The following CNKSR2 variants were observed in gnomAD, a reference collection of about 807,000 sequenced individuals.
CNKSR2 encodes the protein CNK homolog protein 2.
Under a neutral mutation model 84.4 loss-of-function variants are expected in CNKSR2, and 14 were observed. That is an observed-to-expected ratio of 0.17 (90% CI 0.11 to 0.26). The LOEUF is 0.26. CNKSR2 is among the 10% of genes least tolerant of loss of function. CNKSR2 has a pLI of 1.00. For synonymous variants in CNKSR2, 275 were observed against 277.9 expected, an observed-to-expected ratio of 0.99 and a Z score of 0.10; for missense variants, 485 against 771.2, an observed-to-expected ratio of 0.63 and a Z score of 4.40.
chrX:21,599,108 G>T (rs1025852080), intron 17 of CNKSR2, among the ~76,000 whole-genome samples: 1 of 112,075 alleles, frequency 8.9e-6, no homozygotes, highest in Non-Finnish European at 1.9e-5. Flanking sequence ...ACTTTCAATT[G>T]TCTTGTGAAA....
intron 20 of CNKSR2, among the ~76,000 whole-genome samples, chrX:21,625,375 A>G (rs1327726924): frequency 8.9e-6 from 1 of 112,303 alleles, no homozygotes; most frequent in Non-Finnish European, 1.9e-5. Context: ...AAAGTTTTAC[A>G]CATAGCAATA....
chrX:21,394,220 G>T (rs781609953), intron 1 of CNKSR2, among the ~76,000 whole-genome samples: 5 of 111,785 alleles, frequency 4.5e-5, no homozygotes, highest in Non-Finnish European at 9.4e-5. Context: ...TACTGTACAG[G>T]ATTTAAAATG....
intron 13 of CNKSR2, among the ~76,000 whole-genome samples, chrX:21,576,258 G>T (rs773006591): frequency 9.0e-4 from 101 of 112,040 alleles, no homozygotes; most frequent in Non-Finnish European, 1.7e-3. Context: ...CTAGACATCA[G>T]TAACAAAAAG....
chrX:21,474,557 C>T (rs748679743), intron 5 of CNKSR2, among the ~76,000 whole-genome samples: 5 of 111,812 alleles, frequency 4.5e-5, no homozygotes, highest in Non-Finnish European at 9.4e-5. Context: ...GGGGTGTTAA[C>T]TCTCTCACAC....
At chrX:21,617,626 C>A (rs1237646019) in intron 20 of CNKSR2, among the ~76,000 whole-genome samples, 2 of 111,353 alleles carry the variant, frequency 1.8e-5, no homozygotes, top group Non-Finnish European at 3.8e-5. Flanking sequence ...TTATATATCT[C>A]TATCTTGTAA....
chrX:21,504,912 C>T (rs1316668028), intron 8 of CNKSR2: 6 of 287,418 alleles, frequency 2.1e-5, no homozygotes, highest in Non-Finnish European at 3.6e-5. Context: ...ATGTCTTCCC[C>T]ACCATTGAAG....
At chrX:21,418,543 G>C (rs982474481) in intron 1 of CNKSR2, among the ~76,000 whole-genome samples, 18 of 111,543 alleles carry the variant, frequency 1.6e-4, no homozygotes, top group Non-Finnish European at 2.3e-4. Flanking sequence ...CATGTTTGAA[G>C]AATATTTTTG....
At chrX:21,614,998 G>A (rs1877760552) in intron 20 of CNKSR2, among the ~76,000 whole-genome samples, 1 of 112,018 alleles carries the variant, frequency 8.9e-6, no homozygotes, top group South Asian at 3.7e-4. Flanking sequence ...CATTGCCAAG[G>A]TTGCATCACA....
chrX:21,587,329 C>T (rs1275254235), intron 13 of CNKSR2, among the ~76,000 whole-genome samples: 1 of 111,921 alleles, frequency 8.9e-6, no homozygotes, highest in Non-Finnish European at 1.9e-5. Context: ...TGTGAAAGAA[C>T]TTCTAAAGAA....
rs772699070 is a variant in CNKSR2 at position 21,437,857 on chromosome X, A to G, written c.432-2837A>G. Reference sequence around the variant, plus strand: ...AACCACCTTTACAATCCAGTGTTAGAAAACTTCCATCAGGATGGATTTTTA... The same window carrying G: ...AACCACCTTTACAATCCAGTGTTAGGAAACTTCCATCAGGATGGATTTTTA... On this transcript the variant is annotated intron_variant, in intron 3 of 21. Transcript: ENST00000379510. Among the ~76,000 whole-genome samples the G allele has an allele frequency of 3.2e-4, 36 of 111,428 alleles. No individual in the cohort carries two copies. In the South Asian group the frequency reaches 3.7e-3, roughly 12 times the overall value.
intron 11 of CNKSR2, among the ~76,000 whole-genome samples, chrX:21,543,676 C>T: frequency 8.9e-6 from 1 of 111,950 alleles, no homozygotes; most frequent in Non-Finnish European, 1.9e-5. Context: ...AGCTAATTGA[C>T]CTTGAGCTTC....
At chrX:21,439,968 C>G (rs2090762744) in intron 3 of CNKSR2, among the ~76,000 whole-genome samples, 1 of 109,663 alleles carries the variant, frequency 9.1e-6, no homozygotes, top group African/African-American at 3.3e-5. Context: ...AAACTACAGA[C>G]CAATATTTCT....
chrX:21,574,377 CT>C (rs1248666226), intron 13 of CNKSR2, among the ~76,000 whole-genome samples: 1 of 111,744 alleles, frequency 8.9e-6, no homozygotes, highest in African/African-American at 3.3e-5. Context: ...CATTCTCACA[CT>C]GCTAATAAAG....
At chrX:21,579,919 T>C (rs2147227436) in intron 13 of CNKSR2, among the ~76,000 whole-genome samples, 1 of 112,129 alleles carries the variant, frequency 8.9e-6, no homozygotes, top group East Asian at 2.8e-4. Context: ...TAATTTTTTA[T>C]ACTGAGATTG....
intron 8 of CNKSR2, among the ~76,000 whole-genome samples, chrX:21,512,280 G>A (rs201454854): frequency 5.4e-5 from 6 of 111,167 alleles, no homozygotes; most frequent in South Asian, 3.8e-4. Flanking sequence ...ATAAAGGGTC[G>A]GGGGAGGAAT....
At chrX:21,631,848 A>G (rs752723631) in intron 20 of CNKSR2, among the ~76,000 whole-genome samples, 41 of 112,351 alleles carry the variant, frequency 3.6e-4, no homozygotes, top group African/African-American at 1.1e-3. Flanking sequence ...AAATGTTAGT[A>G]CCATAATTAT....
intron 6 of CNKSR2, chrX:21,493,187 A>G (rs1204177246): frequency 8.9e-6 from 1 of 112,413 alleles, no homozygotes; most frequent in Non-Finnish European, 1.9e-5. Flanking sequence ...AACCTTAGTT[A>G]TGATTGAACC....
At chrX:21,426,448 T>G in intron 1 of CNKSR2, 49 bp from the exon 2 acceptor site, 7 of 1,119,545 alleles carry the variant, frequency 6.3e-6, no homozygotes, top group Non-Finnish European at 8.6e-6. Flanking sequence ...TCACATTTAT[T>G]TGGTTTGACC....
intron 8 of CNKSR2, chrX:21,506,414 G>A (rs756070205): frequency 6.6e-4 from 73 of 111,406 alleles, no homozygotes; most frequent in African/African-American, 2.3e-3. Context: ...GTTTATGAGA[G>A]CTTCATAGAT....
Sources: allele counts gnomAD v4.1 joint callset (sites outside exome capture counted in the v4.1 genomes callset), GRCh38; gene constraint gnomAD v4.1.1; transcripts MANE v1.5; gene names NCBI Gene and HGNC (gene_info 2026-07-23, HGNC 2026-07-21).